The following PATJ variants were observed in gnomAD, a reference collection of about 807,000 sequenced individuals.
PATJ encodes the protein PATJ crumbs cell polarity complex component.
Under a neutral mutation model 224.9 loss-of-function variants are expected in PATJ, and 190 were observed. The observed-to-expected ratio is 0.84, with a 90% CI of 0.75 to 0.95. The LOEUF is 0.95. PATJ is among the 40% of genes least tolerant of loss of function. The pLI is 0.00. For synonymous variants in PATJ, 769 were observed against 820.3 expected, an observed-to-expected ratio of 0.94 and a Z score of 1.07; for missense variants, 2,121 against 2,270.3, an observed-to-expected ratio of 0.93 and a Z score of 1.34.
intron 27 of PATJ, among the ~76,000 whole-genome samples, chr1:61,946,021 GA>G (rs1410135162): frequency 6.6e-6 from 1 of 152,170 alleles, no homozygotes; most frequent in East Asian, 1.9e-4. Context: ...AAACCAATGA[GA>G]ACAAAGACGC....
intron 34 of PATJ, among the ~76,000 whole-genome samples, chr1:62,110,526 C>T (rs1335189199): frequency 6.6e-6 from 1 of 152,170 alleles, no homozygotes; most frequent in African/African-American, 2.4e-5. Context: ...CCAGATTTTG[C>T]TTCCAAAGAT....
At chr1:62,136,693 CTGTGTG>C (rs1301172971) in intron 41 of PATJ, among the ~76,000 whole-genome samples, 7 of 113,788 alleles carry the variant, frequency 6.2e-5, no homozygotes, top group Admixed American at 2.7e-4. Flanking sequence ...GTGTGTGTGT[CTGTGTG>C]TGTGTGTGGT....
chr1:62,071,231 A>G (rs1657337750), intron 31 of PATJ, among the ~76,000 whole-genome samples: 1 of 152,182 alleles, frequency 6.6e-6, no homozygotes, highest in African/African-American at 2.4e-5. Context: ...TTATGGGTGC[A>G]TGTTCTGGGC....
At chr1:61,787,542 C>G (rs1648819425) in intron 7 of PATJ, among the ~76,000 whole-genome samples, 1 of 152,182 alleles carries the variant, frequency 6.6e-6, no homozygotes, top group South Asian at 2.1e-4. Flanking sequence ...ATACTGATTA[C>G]TTTTCTCATT....
At chr1:61,802,032 AC>A (rs1395465696) in intron 12 of PATJ, among the ~76,000 whole-genome samples, 1 of 151,064 alleles carries the variant, frequency 6.6e-6, no homozygotes, top group East Asian at 1.9e-4. Flanking sequence ...AGTGTGCTGC[AC>A]CCATTAACTC....
At chr1:61,755,723 T>C (rs1033810621) in intron 1 of PATJ, among the ~76,000 whole-genome samples, 2 of 152,178 alleles carry the variant, frequency 1.3e-5, no homozygotes, top group South Asian at 4.1e-4. Flanking sequence ...CACTCTATAA[T>C]CTTTCAAGAA....
At chr1:61,821,049 T>G (rs1328433445) in intron 14 of PATJ, among the ~76,000 whole-genome samples, 1 of 151,820 alleles carries the variant, frequency 6.6e-6, no homozygotes, top group Non-Finnish European at 1.5e-5. Flanking sequence ...CTATCTTTTT[T>G]TTTTTTTTTG....
At chr1:61,849,338 G>A (rs763915361) in intron 17 of PATJ, among the ~76,000 whole-genome samples, 1 of 152,190 alleles carries the variant, frequency 6.6e-6, no homozygotes, top group Non-Finnish European at 1.5e-5. Flanking sequence ...GCTCATGCCT[G>A]TAATCCCAGT....
intron 20 of PATJ, among the ~76,000 whole-genome samples, chr1:61,867,842 CTAA>C (rs1199772927): frequency 1.3e-5 from 2 of 152,032 alleles, no homozygotes; most frequent in African/African-American, 2.4e-5. Flanking sequence ...GATAATTTAT[CTAA>C]TAATATTATC....
At chr1:62,144,193 T>G (rs114478562) in intron 41 of PATJ, among the ~76,000 whole-genome samples, 2,243 of 152,246 alleles carry the variant, frequency 0.015, 64 homozygotes, top group African/African-American at 0.052. Context: ...TTCCAGAAGA[T>G]TCTATAACTT....
intron 28 of PATJ, chr1:62,013,368 T>C (rs1252019862): frequency 4.1e-6 from 4 of 985,318 alleles, no homozygotes; most frequent in Non-Finnish European, 1.2e-6. Flanking sequence ...GAGCCCATGT[T>C]AGTGAAAGCC....
intron 41 of PATJ, among the ~76,000 whole-genome samples, chr1:62,130,463 T>G (rs1291825759): frequency 6.6e-6 from 1 of 151,742 alleles, no homozygotes; most frequent in African/African-American, 2.4e-5. Flanking sequence ...CCAGGAGTTT[T>G]GAGACCAGCC....
chr1:61,818,878 G>A (rs934093970), intron 14 of PATJ, among the ~76,000 whole-genome samples: 6 of 152,058 alleles, frequency 3.9e-5, no homozygotes, highest in Admixed American at 6.6e-5. Flanking sequence ...GAATAGATGC[G>A]GATTGGGAGA....
intron 22 of PATJ, among the ~76,000 whole-genome samples, chr1:61,886,083 C>T (rs1251453531): frequency 2.0e-5 from 3 of 151,300 alleles, no homozygotes; most frequent in Admixed American, 6.6e-5. Flanking sequence ...TGCTAAATGA[C>T]GAGTTAATGG....
intron 43 of PATJ, among the ~76,000 whole-genome samples, chr1:62,155,971 T>C (rs550293595): frequency 2.7e-4 from 36 of 133,512 alleles, no homozygotes; most frequent in African/African-American, 9.9e-4. Flanking sequence ...GGCAGGAGAA[T>C]GGCGTGAACC....
At chr1:61,839,532 AG>A (rs1173461377) in intron 17 of PATJ, among the ~76,000 whole-genome samples, 1 of 151,752 alleles carries the variant, frequency 6.6e-6, no homozygotes, top group African/African-American at 2.4e-5. Flanking sequence ...TCTACCAAAA[AG>A]CTTGAAAAAA....
intron 33 of PATJ, among the ~76,000 whole-genome samples, chr1:62,091,785 G>A (rs776180118): frequency 2.5e-4 from 38 of 152,236 alleles, no homozygotes; most frequent in Non-Finnish European, 4.7e-4. Context: ...GCTGGACAGG[G>A]TGGCTCATGC....
At chr1:61,780,874 C>T (rs762438063) in intron 7 of PATJ, among the ~76,000 whole-genome samples, 16 of 152,164 alleles carry the variant, frequency 1.1e-4, no homozygotes, top group Non-Finnish European at 1.6e-4. Context: ...GTCTGATTTT[C>T]GCCCTTTACT....
chr1:62,136,707 GGT>G (rs1666939167), intron 41 of PATJ, among the ~76,000 whole-genome samples: 2 of 150,892 alleles, frequency 1.3e-5, no homozygotes, highest in African/African-American at 4.9e-5. Context: ...GTGTGTGTGT[GGT>G]GTGTTGTTTT....
Sources: allele counts gnomAD v4.1 joint callset (sites outside exome capture counted in the v4.1 genomes callset), GRCh38; gene constraint gnomAD v4.1.1; transcripts MANE v1.5; gene names NCBI Gene and HGNC (gene_info 2026-07-23, HGNC 2026-07-21).